Variants in DOP1B observed in about 807,000 individuals in gnomAD.
DOP1B encodes protein DOP1B.
A neutral mutation model predicts 233.5 loss-of-function variants in DOP1B; 174 were observed. The observed-to-expected ratio is 0.75, with a 90% confidence interval of 0.66 to 0.85. The LOEUF is 0.85. Ranked by LOEUF, DOP1B falls within the 40% of genes least tolerant of loss-of-function variation. DOP1B has a pLI of 0.00. For synonymous variants in DOP1B, 1,190 were observed against 1,185.6 expected (o/e 1.00, Z -0.08); for missense variants, 2,652 against 2,846.6 (o/e 0.93, Z 1.56).
In DOP1B at chr21:36,230,557, CG is replaced by C; in HGVS notation, c.1776del (p.Leu593SerfsTer12). On this transcript the variant is annotated frameshift_variant, in exon 14 of 37. Coordinates refer to ENST00000691173, the MANE Select transcript of DOP1B (RefSeq NM_001320714.2). LOFTEE classifies it high-confidence loss of function. Reference sequence around the variant, plus strand: ...CTCTGAAGTCTGAGGACAGTGGGATCGGGCTCAGTGCCTCGTCACCGGAGCT... The same window carrying C: ...CTCTGAAGTCTGAGGACAGTGGGATCGGCTCAGTGCCTCGTCACCGGAGCT... ...PPLKSEDSGI[G>X]LSASSPELSE... 1 of 1,614,220 alleles carries C rather than the reference CG, an allele frequency of 6.2e-7. No homozygotes were observed.
In DOP1B at chr21:36,223,272, C is replaced by T. The variant is rs764951278; in HGVS notation, c.1292C>T (p.Thr431Met). The T allele has an allele frequency of 2.1e-5, 33 of 1,608,020 alleles. No individual in the cohort carries two copies. Among genetic ancestry groups the T allele is most frequent in the African/African-American group, 6.7e-5 (5 of 74,570 alleles). The change falls in exon 11 of 37, where the codon ACG (threonine) becomes ATG (methionine). Residue 431 changes from threonine (T) to methionine (M), a missense_variant. Thr to Met is a moderately conservative substitution (Grantham distance 81). Around this residue, in one of 3 missense-constraint regions of DOP1B, gnomAD observed 2,617 missense variants for 2,794.3 expected, o/e 0.94. Coordinates refer to ENST00000691173, the MANE Select transcript of DOP1B (RefSeq NM_001320714.2). ...ENRNASEIVK[T>M]VNLLITSLST... is the part of the protein sequence containing the mutation. Reference sequence around the variant, plus strand: ...AGAAATGCCTCTGAGATTGTCAAAACGGTAAATTTGCTGATAACTTCTCTA... The same window carrying T: ...AGAAATGCCTCTGAGATTGTCAAAATGGTAAATTTGCTGATAACTTCTCTA...
rs1052776771 is a variant in DOP1B at position 36,267,384 on chromosome 21, G to A, written c.5488-2629G>A. Among the ~76,000 whole-genome samples, 6 of 152,136 alleles carry A rather than the reference G, an allele frequency of 3.9e-5. No homozygotes were observed. The South Asian group carries it at 1.0e-3, about 26-fold the overall frequency. On this transcript the variant is annotated intron_variant, in intron 26 of 36. Coordinates refer to ENST00000691173, the MANE Select transcript of DOP1B (RefSeq NM_001320714.2). ...TACAATTTATGGTTTTTTCATCAGCGTGCTGCAATGACTTGTGTTCTCTGT... is the reference window on the plus strand; with the variant it reads ...TACAATTTATGGTTTTTTCATCAGCATGCTGCAATGACTTGTGTTCTCTGT...
chr21:36,168,455 C>A (rs968474085), intron 2 of DOP1B, among the ~76,000 whole-genome samples: 1 of 152,104 alleles, frequency 6.6e-6, no homozygotes, highest in Admixed American at 6.6e-5. Context: ...GTTTTCCCAG[C>A]AGTTGCACCA....
chr21:36,276,044 C>A (rs1377970099), intron 27 of DOP1B, among the ~76,000 whole-genome samples: 2 of 151,274 alleles, frequency 1.3e-5, no homozygotes, highest in Non-Finnish European at 2.9e-5. Flanking sequence ...AAGGGTATGA[C>A]AGTGGTGGAG....
intron 18 of DOP1B, 132 bp from the exon 19 acceptor site, chr21:36,244,916 T>C: frequency 1.2e-6 from 1 of 859,552 alleles, no homozygotes; most frequent in South Asian, 2.0e-5. Context: ...CGGACTCTGG[T>C]GGTGGTGTTT....
chr21:36,240,881 TAAG>T (rs1269174170), intron 18 of DOP1B, among the ~76,000 whole-genome samples: 20 of 152,190 alleles, frequency 1.3e-4, no homozygotes, highest in African/African-American at 2.9e-4. Context: ...AAAATAATAA[TAAG>T]AAGAAGTACT....
At chr21:36,255,229 T>A (rs1157445440) in intron 23 of DOP1B, among the ~76,000 whole-genome samples, 1 of 152,030 alleles carries the variant, frequency 6.6e-6, no homozygotes, top group East Asian at 1.9e-4. Flanking sequence ...CCCCTGGGGT[T>A]CAAGTGATTC....
chr21:36,288,986 G>A (rs555456735), intron 34 of DOP1B, 59 bp from the exon 35 acceptor site: 5 of 1,582,120 alleles, frequency 3.2e-6, no homozygotes, highest in Middle Eastern at 1.7e-4. Flanking sequence ...GGTCATAGGT[G>A]AATGGACTAT....
intron 18 of DOP1B, among the ~76,000 whole-genome samples, chr21:36,240,625 C>G (rs1429052468): frequency 6.6e-6 from 1 of 152,036 alleles, no homozygotes; most frequent in Non-Finnish European, 1.5e-5. Flanking sequence ...AAGAAATAAA[C>G]CTTTCAGTTC....
chr21:36,169,404 C>T, intron 2 of DOP1B: 1 of 896,224 alleles, frequency 1.1e-6, no homozygotes, highest in South Asian at 1.3e-5. Context: ...GCCACATGGT[C>T]AGGATGCCAT....
At chr21:36,280,002 A>T (rs1158465750) in intron 30 of DOP1B, among the ~76,000 whole-genome samples, 1 of 152,096 alleles carries the variant, frequency 6.6e-6, no homozygotes, top group South Asian at 2.1e-4. Context: ...CAGCCTCCTG[A>T]GTAGCTGGGA....
In DOP1B at chr21:36,206,529, CA is replaced by C. The variant is rs71232580; in HGVS notation, c.492-2170del. On this transcript the variant is annotated intron_variant, in intron 4 of 36. Transcript: ENST00000691173. The stretch of plus-strand genomic sequence containing the variant: ...TGGGTGACAGAGTAACACCCTGCCT[CA>C]AAAAAAAAAAAAAAATTATTTCTTT... Among the ~76,000 whole-genome samples the C allele has an allele frequency of 7.8e-3, 987 of 127,082 alleles. 4 individuals are homozygous for C. Among genetic ancestry groups the C allele is most frequent in the African/African-American group, 0.018 (635 of 35,108 alleles). The allele number at this position is 127,082 out of a possible 152,430, so 83.4% of individuals were successfully genotyped here.
chr21:36,199,517 A>G (rs770020718), intron 3 of DOP1B, among the ~76,000 whole-genome samples: 8 of 151,840 alleles, frequency 5.3e-5, no homozygotes, highest in Admixed American at 3.3e-4. Flanking sequence ...TACATGTGCC[A>G]TGTTGGTGTG....
chr21:36,169,047 A>G lies in DOP1B; in HGVS notation c.138+4176A>G. The G allele has an allele frequency of 5.8e-6, 5 of 857,628 alleles. 1 individual carries two copies. In the South Asian group the frequency reaches 6.5e-5, roughly 11 times the overall value. The allele number at this position is 857,628 out of a possible 1,614,324, so 53.1% of individuals were successfully genotyped here. On this transcript the variant is annotated intron_variant, in intron 2 of 36. Transcript: ENST00000691173. The stretch of plus-strand genomic sequence containing the variant: ...GCTTTCTTCTCCTCCATGGTCTGGA[A>G]GCGGCCATAGCCAAACTTGGAGGTG...
chr21:36,170,438 A>T (rs2065961654), intron 2 of DOP1B: 1 of 181,970 alleles, frequency 5.5e-6, no homozygotes, highest in African/African-American at 2.4e-5. Flanking sequence ...TCTACTAAAA[A>T]TACAGAAATT....
At chr21:36,157,082 G>A (rs1340056121) in intron 1 of DOP1B, 139 bp downstream of exon 1, 1 of 152,286 alleles carries the variant, frequency 6.6e-6, no homozygotes, top group Non-Finnish European at 1.5e-5. Context: ...GGGGCGGCCC[G>A]GGGTGCAGGT....
At chr21:36,288,649 T>C (rs1325010380) in intron 33 of DOP1B, 107 bp from the exon 34 acceptor site, 2 of 834,668 alleles carry the variant, frequency 2.4e-6, no homozygotes, top group Non-Finnish European at 3.8e-6. Flanking sequence ...AGACCCCGTC[T>C]TATTCATTCA....
intron 18 of DOP1B, among the ~76,000 whole-genome samples, chr21:36,243,368 CTTTT>C (rs756474335): frequency 2.2e-5 from 3 of 134,914 alleles, no homozygotes; most frequent in African/African-American, 8.1e-5. Flanking sequence ...TCCTTTTCTT[CTTTT>C]TTTTTTTTTT....
intron 2 of DOP1B, among the ~76,000 whole-genome samples, chr21:36,184,136 G>A (rs1326292834): frequency 6.6e-6 from 1 of 151,388 alleles, no homozygotes; most frequent in African/African-American, 2.4e-5. Context: ...GCAACCTCCG[G>A]CTCCCAGGTT....
Sources: gnomAD v4.1 joint callset for allele counts (sites outside exome capture counted in the v4.1 genomes callset) on GRCh38, gnomAD v4.1.1 for gene constraint, gnomAD v4.1.1 regional missense constraint, MANE v1.5 for transcripts, NCBI Gene and HGNC (gene_info 2026-07-23, HGNC 2026-07-21) for gene names.